The following RAB3C variants were observed in gnomAD, a reference collection of about 807,000 sequenced individuals.
The protein encoded by RAB3C is RAB3C, member RAS oncogene family.
A neutral mutation model predicts 26.4 loss-of-function variants in RAB3C; 17 were observed. The observed-to-expected ratio is 0.64, with a 90% confidence interval of 0.44 to 0.97. RAB3C has a LOEUF of 0.97. Among genes scored for constraint, RAB3C ranks in the 50% least tolerant of loss-of-function variants. RAB3C has a pLI of 0.00. For missense variants in RAB3C, 242 were observed against 281.9 expected (o/e 0.86, Z 1.01); for synonymous variants, 91 against 95.9 (o/e 0.95, Z 0.30).
intron 2 of RAB3C, among the ~76,000 whole-genome samples, chr5:58,710,905 ATACT>A (rs1749045518): frequency 6.6e-6 from 1 of 152,132 alleles, no homozygotes; most frequent in Non-Finnish European, 1.5e-5. Context: ...ACCAGACATA[ATACT>A]TACTGATTCT....
chr5:58,818,580 C>G (rs62356571), intron 3 of RAB3C, among the ~76,000 whole-genome samples: 2 of 152,168 alleles, frequency 1.3e-5, no homozygotes. Flanking sequence ...CTGGTAAGGT[C>G]TGAGTTAACT....
chr5:58,601,463 C>A (rs139657585), intron 1 of RAB3C, among the ~76,000 whole-genome samples: 4,008 of 152,212 alleles, frequency 0.026, 162 homozygotes, highest in African/African-American at 0.09. Context: ...TGCTGTGAAT[C>A]TGTCTGTTCC....
chr5:58,659,404 G>C (rs1747850339), intron 2 of RAB3C, among the ~76,000 whole-genome samples: 1 of 152,140 alleles, frequency 6.6e-6, no homozygotes, highest in South Asian at 2.1e-4. Context: ...AACAGAGATT[G>C]GATGACCAGT....
chr5:58,706,306 G>A (rs1396869374), intron 2 of RAB3C, among the ~76,000 whole-genome samples: 3 of 151,844 alleles, frequency 2.0e-5, no homozygotes, highest in Non-Finnish European at 4.4e-5. Context: ...CATTTTTTTC[G>A]GTGGCCACCT....
At chr5:58,590,981 A>G (rs1043060362) in intron 1 of RAB3C, among the ~76,000 whole-genome samples, 2 of 152,218 alleles carry the variant, frequency 1.3e-5, no homozygotes, top group African/African-American at 4.8e-5. Flanking sequence ...ATTTCAAACT[A>G]TTTGGCACTT....
intron 1 of RAB3C, among the ~76,000 whole-genome samples, chr5:58,607,173 T>G (rs1746591687): frequency 6.6e-6 from 1 of 152,150 alleles, no homozygotes; most frequent in African/African-American, 2.4e-5. Flanking sequence ...GAAAAAAGGT[T>G]AGATGAATGG....
At chr5:58,833,567 A>G (rs1743668677) in intron 4 of RAB3C, among the ~76,000 whole-genome samples, 1 of 152,164 alleles carries the variant, frequency 6.6e-6, no homozygotes, top group South Asian at 2.1e-4. Context: ...GGCATAAAAG[A>G]TGATGGAGGT....
intron 2 of RAB3C, among the ~76,000 whole-genome samples, chr5:58,672,171 A>G (rs1030327662): frequency 4.6e-5 from 7 of 152,204 alleles, no homozygotes; most frequent in Admixed American, 2.6e-4. Context: ...GGGATAAAGT[A>G]AAAACAGCAT....
chr5:58,633,431 A>G (rs1042734568), intron 2 of RAB3C, among the ~76,000 whole-genome samples: 1 of 152,212 alleles, frequency 6.6e-6, no homozygotes, highest in Admixed American at 6.5e-5. Flanking sequence ...GCCCACAGGG[A>G]ATCTGCCGTA....
chr5:58,713,676 T>C (rs1749109397), intron 2 of RAB3C, among the ~76,000 whole-genome samples: 1 of 152,190 alleles, frequency 6.6e-6, no homozygotes, highest in Non-Finnish European at 1.5e-5. Context: ...ACAAGAATCT[T>C]TAAAATACAT....
chr5:58,602,053 AT>A (rs1347096381), intron 1 of RAB3C, among the ~76,000 whole-genome samples: 10 of 151,830 alleles, frequency 6.6e-5, no homozygotes, highest in Admixed American at 1.3e-4. Flanking sequence ...TTGTGTCATT[AT>A]TGTCATTCAG....
chr5:58,737,521 G>T (rs1036928882), intron 3 of RAB3C, among the ~76,000 whole-genome samples: 2 of 146,944 alleles, frequency 1.4e-5, no homozygotes, highest in African/African-American at 5.0e-5. Context: ...AAGAATCTCT[G>T]TCCCTTCTAT....
intron 4 of RAB3C, among the ~76,000 whole-genome samples, chr5:58,828,135 G>A (rs1400221): frequency 6.6e-6 from 1 of 151,972 alleles, no homozygotes; most frequent in Non-Finnish European, 1.5e-5. Context: ...GCTGTCGGTC[G>A]CAATCCAGTT....
At chr5:58,586,761 G>A (rs151248783) in intron 1 of RAB3C, among the ~76,000 whole-genome samples, 1 of 152,252 alleles carries the variant, frequency 6.6e-6, no homozygotes, top group East Asian at 1.9e-4. Context: ...TAAAGATGAG[G>A]AGGATTGAAG....
At chr5:58,845,112 C>G (rs746313754) in intron 4 of RAB3C, among the ~76,000 whole-genome samples, 1 of 152,210 alleles carries the variant, frequency 6.6e-6, no homozygotes, top group Non-Finnish European at 1.5e-5. Context: ...CTAGGGTGCT[C>G]TGACGTTCCA....
intron 2 of RAB3C, among the ~76,000 whole-genome samples, chr5:58,704,222 T>A (rs984868508): frequency 1.3e-5 from 2 of 152,196 alleles, no homozygotes; most frequent in East Asian, 3.8e-4. Flanking sequence ...ATCAATTTCT[T>A]TATAAAAACG....
chr5:58,653,702 C>T (rs1235584277), intron 2 of RAB3C, among the ~76,000 whole-genome samples: 5 of 152,076 alleles, frequency 3.3e-5, no homozygotes, highest in Admixed American at 2.0e-4. Context: ...TCTATTTTCA[C>T]AATATTGTGA....
At chr5:58,738,788 G>T (rs78634065) in intron 3 of RAB3C, among the ~76,000 whole-genome samples, 1 of 152,016 alleles carries the variant, frequency 6.6e-6, no homozygotes, top group Non-Finnish European at 1.5e-5. Flanking sequence ...ATACTCCCTC[G>T]CAACTCTTAA....
rs1230090166 is a variant in RAB3C, at chr5:58,854,333, C to T, written c.*2982C>T. On this transcript the variant is annotated 3_prime_UTR_variant, in exon 5 of 5. Coordinates refer to ENST00000282878, the MANE Select transcript of RAB3C (RefSeq NM_138453.4). ...CCCTTAGGAATAAACCTGAACTGTT[C>T]CAAATCGATTCTTCCAAGAGCTTTG... The T allele has an allele frequency of 6.6e-6, 1 of 152,130 alleles. No homozygotes were observed. Among genetic ancestry groups the T allele is most frequent in the African/African-American group, 2.4e-5 (1 of 41,434 alleles). The allele number at this position is 152,130 out of a possible 1,614,324, so 9.4% of individuals were successfully genotyped here. A position where few individuals can be genotyped will look rare whatever the true frequency, so the allele number is the denominator to read the frequency against.
Sources: allele counts gnomAD v4.1 joint callset (sites outside exome capture counted in the v4.1 genomes callset), GRCh38; gene constraint gnomAD v4.1.1; transcripts MANE v1.5; gene names NCBI Gene and HGNC (gene_info 2026-07-23, HGNC 2026-07-21).